Variants in PPP2R3B observed in about 807,000 individuals in gnomAD.
PPP2R3B encodes the protein protein phosphatase 2 regulatory subunit B''beta, also known as serine/threonine-protein phosphatase 2A regulatory subunit B'' subunit beta.
Under a neutral mutation model 72.9 loss-of-function variants are expected in PPP2R3B, and 68 were observed. That is an observed-to-expected ratio of 0.93 (90% CI 0.77 to 1.14). The LOEUF is 1.14. Among genes scored for constraint, PPP2R3B ranks in the 50% most tolerant of loss-of-function variants. PPP2R3B has a pLI of 0.00. For synonymous variants in PPP2R3B, 466 were observed against 375.8 expected (o/e 1.24, Z -2.78); for missense variants, 1,018 against 842.0 (o/e 1.21, Z -2.59).
chrX:345,631 C>A lies in PPP2R3B; in HGVS notation c.921G>T (p.Leu307=). ...AATGCTCGTACGAGAAGAATTCGGT[C>A]AGCTGGTTGATGTCCGCCTCCTCCT... ...LLEEEADINQ[L]TEFFSYEHFY... is the part of the protein sequence containing the mutation. The change falls in exon 7 of 13, where the codon CTG becomes CTT. Residue 307 remains leucine (L), a synonymous_variant. Coordinates refer to ENST00000390665, the MANE Select transcript of PPP2R3B (RefSeq NM_013239.5). 1 of 1,613,184 alleles carries A rather than the reference C, an allele frequency of 6.2e-7. No homozygotes were observed. The highest frequency in any genetic ancestry group is 8.5e-7 in the Non-Finnish European group (1 of 1,179,570).
intron 2 of PPP2R3B, among the ~76,000 whole-genome samples, chrX:354,111 C>T (rs947763286): frequency 1.3e-4 from 14 of 111,780 alleles, no homozygotes; most frequent in Non-Finnish European, 1.9e-4. Flanking sequence ...CTCGCCCAAA[C>T]ACAGGGGGCT....
intron 1 of PPP2R3B, among the ~76,000 whole-genome samples, chrX:379,089 ACG>A (rs1491582337): frequency 4.2e-5 from 6 of 141,944 alleles, no homozygotes; most frequent in Middle Eastern, 4.7e-3. Context: ...GTATGCACCT[ACG>A]TGTGTGTGTA....
chrX:346,667 G>C (rs1252724015), intron 5 of PPP2R3B, 34 bp downstream of exon 5: 2 of 1,583,540 alleles, frequency 1.3e-6, no homozygotes, highest in Non-Finnish European at 1.7e-6. Context: ...CGCGCCCCGC[G>C]CTGGAACCGA....
chrX:382,305 C>T (rs1037998375), intron 1 of PPP2R3B, among the ~76,000 whole-genome samples: 2 of 150,898 alleles, frequency 1.3e-5, no homozygotes, highest in African/African-American at 4.9e-5. Context: ...TCAAGTGATT[C>T]TCCTGCCTCA....
chrX:385,320 C>CTTTTTTTTTTTTTT (rs1178231888), intron 1 of PPP2R3B, among the ~76,000 whole-genome samples: 8 of 75,608 alleles, frequency 1.1e-4, no homozygotes, highest in African/African-American at 1.5e-4. Context: ...TTTTAGTTTT[C>CTTTTTTTTTTTTTT]TTTTTTTTTT....
intron 3 of PPP2R3B, 35 bp from the exon 4 acceptor site, chrX:347,371 AG>A: frequency 3.7e-6 from 6 of 1,600,184 alleles, no homozygotes; most frequent in Non-Finnish European, 5.1e-6. Flanking sequence ...CCACCCTCAC[AG>A]GGGGGTGGCT....
intron 2 of PPP2R3B, chrX:359,741 AGTAT>A (rs2071503919): frequency 2.3e-6 from 1 of 428,724 alleles, no homozygotes; most frequent in Non-Finnish European, 4.6e-6. Flanking sequence ...AAATGCAAGA[AGTAT>A]GTATGTTCAT....
chrX:350,616 C>G (rs962459874), intron 2 of PPP2R3B, among the ~76,000 whole-genome samples: 1 of 152,212 alleles, frequency 6.6e-6, no homozygotes, highest in Non-Finnish European at 1.5e-5. Flanking sequence ...AGCACTGGCG[C>G]CGGCGAGGGC....
chrX:351,087 C>T (rs1231919545), intron 2 of PPP2R3B, among the ~76,000 whole-genome samples: 1 of 152,156 alleles, frequency 6.6e-6, no homozygotes, highest in African/African-American at 2.4e-5. Context: ...AAAGGACGCG[C>T]TCCGGCTGGC....
At chrX:341,988 C>T (rs2071090028) in intron 7 of PPP2R3B, 57 bp from the exon 8 acceptor site, 12 of 1,597,654 alleles carry the variant, frequency 7.5e-6, no homozygotes, top group East Asian at 2.2e-5. Context: ...CCGACGTCAC[C>T]ACCCCCCGGA....
At chrX:338,375 C>CGCGGGGAATGGCGGGGAATG in intron 12 of PPP2R3B, 1 of 607,754 alleles carries the variant, frequency 1.6e-6, no homozygotes, top group Non-Finnish European at 2.9e-6. Context: ...CAGAACCCCA[C>CGCGGGGAATGGCGGGGAATG]GCGGGGAATG....
At chrX:354,140 TCACC>T (rs1220101448) in intron 2 of PPP2R3B, among the ~76,000 whole-genome samples, 1 of 126,816 alleles carries the variant, frequency 7.9e-6, no homozygotes, top group Non-Finnish European at 1.6e-5. Context: ...GACTGGGGGC[TCACC>T]CAAACACCGG....
intron 2 of PPP2R3B, among the ~76,000 whole-genome samples, chrX:350,334 GTTTC>G (rs1225833981): frequency 1.9e-4 from 29 of 152,334 alleles, no homozygotes; most frequent in African/African-American, 6.5e-4. Flanking sequence ...CGCGGCCAAG[GTTTC>G]TTTCACGGGC....
intron 2 of PPP2R3B, among the ~76,000 whole-genome samples, chrX:350,635 C>T (rs1385297552): frequency 5.3e-5 from 8 of 152,180 alleles, no homozygotes; most frequent in African/African-American, 1.7e-4. Context: ...GCAGGGTTCA[C>T]AGGGCATGGA....
rs6645037 is a variant in PPP2R3B, at chrX:356,938, G to A, written c.510+4467C>T. 2.9e-3 allele frequency among the ~76,000 whole-genome samples: 329 copies of A among 115,298 alleles called. 3 individuals are homozygous for A. The highest frequency in any genetic ancestry group is 9.0e-3 in the African/African-American group (222 of 24,542). 75.6% of individuals were successfully genotyped at this position (115,298 alleles called of 152,430 possible). A position where few individuals can be genotyped will look rare whatever the true frequency, so the allele number is the denominator to read the frequency against. On this transcript the variant is annotated intron_variant, in intron 2 of 12. Transcript: ENST00000390665. ...ACCACGCCTTCGCCAGCCACACAGC[G>A]AGCCCCACAGTATCCACACCACAGG...
chrX:334,704 C>A, intron 12 of PPP2R3B, 187 bp from the exon 13 acceptor site: 1 of 678,322 alleles, frequency 1.5e-6, no homozygotes, highest in Non-Finnish European at 2.2e-6. Context: ...CGAATGCTCC[C>A]GGGGGAGGGG....
rs57600991 is a variant in PPP2R3B, at chrX:376,820, A to G, written c.324+9548T>C. ...TGGGGCTGTCTATACACTACTGTAT[A>G]CAGGGACGGGCCGTCCACAGTGGGG... On this transcript the variant is annotated intron_variant, in intron 1 of 12. Transcript: ENST00000390665. 3.6e-4 allele frequency among the ~76,000 whole-genome samples: 38 copies of G among 105,124 alleles called. 1 individual carries two copies. Among genetic ancestry groups the G allele is most frequent in the African/African-American group, 1.1e-3 (28 of 25,118 alleles). 69.0% of individuals were successfully genotyped at this position (105,124 alleles called of 152,430 possible). A position where few individuals can be genotyped will look rare whatever the true frequency, so the allele number is the denominator to read the frequency against.
intron 1 of PPP2R3B, among the ~76,000 whole-genome samples, chrX:379,434 ATATGCACCTGTGTGTGTG>A (rs1481706794): frequency 1.1e-4 from 17 of 148,796 alleles, no homozygotes; most frequent in Non-Finnish European, 1.9e-4. Context: ...GTGTTTGTGC[ATATGCACCTGTGTGTGTG>A]TATGCACCTG....
intron 1 of PPP2R3B, among the ~76,000 whole-genome samples, chrX:371,822 C>A (rs181966569): frequency 4.0e-5 from 6 of 150,910 alleles, no homozygotes; most frequent in Non-Finnish European, 7.4e-5. Context: ...ACACCACCCC[C>A]ACAAATACCC....
Sources: allele counts gnomAD v4.1 joint callset (sites outside exome capture counted in the v4.1 genomes callset), GRCh38; gene constraint gnomAD v4.1.1; transcripts MANE v1.5; gene names NCBI Gene and HGNC (gene_info 2026-07-23, HGNC 2026-07-21).